MALRD1: variants seen among roughly 807,000 people sequenced by gnomAD.
The protein encoded by MALRD1 is MAM and LDL receptor class A domain containing 1.
In MALRD1, 247 loss-of-function variants were observed where a neutral mutation model predicts 242.1. That is an observed-to-expected ratio of 1.02 (90% CI 0.92 to 1.13). The LOEUF (loss-of-function observed/expected upper bound fraction) is 1.13. MALRD1 is among the 50% of genes most tolerant of loss of function. The pLI is 0.00. For missense variants in MALRD1, 2,989 were observed against 2,533.1 expected (o/e 1.18, Z -3.86); for synonymous variants, 995 against 866.6 (o/e 1.15, Z -2.60).
At chr10:19,534,497 G>A (rs1398096096) in intron 32 of MALRD1, among the ~76,000 whole-genome samples, 1 of 152,102 alleles carries the variant, frequency 6.6e-6, no homozygotes, top group African/African-American at 2.4e-5. Flanking sequence ...AAGGAGATGT[G>A]GACCCATGTT....
At chr10:19,456,475 T>C (rs1331913575) in intron 29 of MALRD1, among the ~76,000 whole-genome samples, 1 of 152,150 alleles carries the variant, frequency 6.6e-6, no homozygotes, top group Non-Finnish European at 1.5e-5. Context: ...TGGATTCAAA[T>C]TGAACTTGGG....
chr10:19,695,148 C>G (rs1270955313), intron 38 of MALRD1, among the ~76,000 whole-genome samples: 1 of 152,034 alleles, frequency 6.6e-6, no homozygotes, highest in Non-Finnish European at 1.5e-5. Context: ...GTGCAGCACA[C>G]CAACATGGTG....
At chr10:19,397,174 A>G (rs968391465) in intron 28 of MALRD1, among the ~76,000 whole-genome samples, 1 of 152,102 alleles carries the variant, frequency 6.6e-6, no homozygotes, top group Non-Finnish European at 1.5e-5. Context: ...CTCACTGTGC[A>G]AAGAAACACC....
chr10:19,312,398 A>ATG (rs1466232018), intron 21 of MALRD1, among the ~76,000 whole-genome samples: 166 of 145,176 alleles, frequency 1.1e-3, no homozygotes, highest in African/African-American at 4.0e-3. Context: ...ATATATATAT[A>ATG]TATGTGTATA....
chr10:19,098,245 G>C (rs766328143), intron 4 of MALRD1, among the ~76,000 whole-genome samples: 1 of 152,154 alleles, frequency 6.6e-6, no homozygotes, highest in Non-Finnish European at 1.5e-5. Flanking sequence ...CACGTTGAAT[G>C]TCTGGATTGT....
chr10:19,732,969 C>T (rs1802105038), intron 39 of MALRD1, among the ~76,000 whole-genome samples: 1 of 152,090 alleles, frequency 6.6e-6, no homozygotes, highest in Non-Finnish European at 1.5e-5. Flanking sequence ...TTATGAATGG[C>T]TAAAGAAGAA....
At chr10:19,174,781 T>G (rs1368747645) in intron 13 of MALRD1, among the ~76,000 whole-genome samples, 1 of 152,064 alleles carries the variant, frequency 6.6e-6, no homozygotes, top group Non-Finnish European at 1.5e-5. Flanking sequence ...TATGTTTGTA[T>G]GAATGTATAT....
intron 18 of MALRD1, among the ~76,000 whole-genome samples, chr10:19,224,019 G>A (rs986486925): frequency 6.6e-6 from 1 of 152,144 alleles, no homozygotes; most frequent in Admixed American, 6.5e-5. Flanking sequence ...ATGTGTGAAT[G>A]TGTCTTTATA....
At chr10:19,373,247 C>A (rs1442919974) in intron 26 of MALRD1, among the ~76,000 whole-genome samples, 1 of 94,442 alleles carries the variant, frequency 1.1e-5, no homozygotes, top group South Asian at 3.1e-4. Flanking sequence ...GTGGCTCATG[C>A]GTGTAATCCC....
Position 19,602,160 on chromosome 10 carries a change from T to C in MALRD1, c.5945-5617T>C, listed in dbSNP as rs987585535. ...GTCTATCAGTGCCAATTTTCTTTTT[T>C]TTTTTTTTTTTGTCCGTCTTTGCAG... On this transcript the variant is annotated intron_variant, in intron 34 of 39. Transcript: ENST00000454679. 1.5e-3 allele frequency among the ~76,000 whole-genome samples: 232 copies of C among 149,688 alleles called. 2 individuals are homozygous for C. The East Asian group carries it at 0.03, about 19-fold the overall frequency.
At chr10:19,609,764 A>T (rs892019332) in intron 35 of MALRD1, among the ~76,000 whole-genome samples, 4 of 152,094 alleles carry the variant, frequency 2.6e-5, no homozygotes, top group Non-Finnish European at 5.9e-5. Flanking sequence ...GTCTGGCTAA[A>T]TCTAAACTGA....
chr10:19,398,111 T>C lies in MALRD1; in HGVS notation c.4845+8502T>C, dbSNP rs190044693. ...CAAATATTTTATACCATTCTGTAGA[T>C]TGTCTCTTCATTCTGTTGATTGTTT... On this transcript the variant is annotated intron_variant, in intron 28 of 39. Transcript: ENST00000454679. 1.2e-3 allele frequency among the ~76,000 whole-genome samples: 185 copies of C among 152,300 alleles called. 2 individuals are homozygous for C. The highest frequency in any genetic ancestry group is 0.01 in the Middle Eastern group (3 of 294).
chr10:19,306,281 G>A (rs1034122885), intron 21 of MALRD1, among the ~76,000 whole-genome samples: 64 of 130,210 alleles, frequency 4.9e-4, no homozygotes, highest in East Asian at 9.0e-4. Context: ...TATATATACC[G>A]TATATAGTAT....
intron 28 of MALRD1, among the ~76,000 whole-genome samples, chr10:19,443,753 T>C (rs1275972422): frequency 6.6e-6 from 1 of 152,224 alleles, no homozygotes. Flanking sequence ...ATGTGGTCAG[T>C]TTTGGAATAA....
At chr10:19,238,467 TA>T (rs369272127) in intron 18 of MALRD1, among the ~76,000 whole-genome samples, 957 of 44,632 alleles carry the variant, frequency 0.021, 118 homozygotes, top group African/African-American at 0.1. Context: ...ATATATAATA[TA>T]ATATATAATA....
At chr10:19,676,759 C>T (rs963995410) in intron 36 of MALRD1, among the ~76,000 whole-genome samples, 2 of 152,130 alleles carry the variant, frequency 1.3e-5, no homozygotes, top group Non-Finnish European at 2.9e-5. Context: ...TTTGCTGCAC[C>T]TATCAACCCA....
intron 32 of MALRD1, among the ~76,000 whole-genome samples, chr10:19,549,830 A>G (rs564906979): frequency 5.6e-4 from 85 of 152,312 alleles, no homozygotes; most frequent in African/African-American, 1.9e-3. Context: ...AAAACATTCA[A>G]TTAATCTGGG....
At chr10:19,256,329 GT>G (rs1434218676) in intron 18 of MALRD1, among the ~76,000 whole-genome samples, 2 of 151,958 alleles carry the variant, frequency 1.3e-5, no homozygotes, top group African/African-American at 2.4e-5. Flanking sequence ...AACAGAATAC[GT>G]TTTTCTGTAG....
chr10:19,077,870 TGAC>T (rs1489402127), intron 2 of MALRD1, among the ~76,000 whole-genome samples: 1 of 151,936 alleles, frequency 6.6e-6, no homozygotes, highest in African/African-American at 2.4e-5. Flanking sequence ...TGAGAGATGA[TGAC>T]AATGATAATA....
Sources: allele counts gnomAD v4.1 joint callset (sites outside exome capture counted in the v4.1 genomes callset), GRCh38; gene constraint gnomAD v4.1.1; transcripts MANE v1.5; gene names NCBI Gene and HGNC (gene_info 2026-07-23, HGNC 2026-07-21).